B3GALT1: variants seen among roughly 807,000 people sequenced by gnomAD.
The protein encoded by B3GALT1 is UDP-Gal:betaGlcNAc beta 1,3-galactosyltransferase, polypeptide 1.
Under a neutral mutation model 23.2 loss-of-function variants are expected in B3GALT1, and 10 were observed. The ratio of observed to expected loss-of-function variants is 0.43; its 90% CI spans 0.27 to 0.73. The LOEUF (loss-of-function observed/expected upper bound fraction) is 0.73. B3GALT1 is among the 30% of genes least tolerant of loss of function. The pLI is 0.21. For synonymous variants in B3GALT1, 156 were observed against 141.5 expected, an observed-to-expected ratio of 1.10 and a Z score of -0.73; for missense variants, 299 against 405.4, an observed-to-expected ratio of 0.74 and a Z score of 2.25.
At chr2:167,836,565 A>G (rs1689478273) in intron 4 of B3GALT1, among the ~76,000 whole-genome samples, 1 of 152,226 alleles carries the variant, frequency 6.6e-6, no homozygotes, top group Non-Finnish European at 1.5e-5. Context: ...TGTACCTGAA[A>G]GTGATGGGGA....
At chr2:167,617,783 G>A (rs529711544) in intron 2 of B3GALT1, among the ~76,000 whole-genome samples, 3 of 152,072 alleles carry the variant, frequency 2.0e-5, no homozygotes, top group South Asian at 4.1e-4. Flanking sequence ...GGGCATCAAG[G>A]TTCTAATCTA....
chr2:167,674,481 C>T (rs1439508922), intron 3 of B3GALT1, among the ~76,000 whole-genome samples: 1 of 152,156 alleles, frequency 6.6e-6, no homozygotes, highest in African/African-American at 2.4e-5. Flanking sequence ...GGCAAGGGGC[C>T]ATGTCTGGAC....
intron 1 of B3GALT1, among the ~76,000 whole-genome samples, chr2:167,447,336 C>G (rs974616152): frequency 6.6e-6 from 1 of 152,232 alleles, no homozygotes; most frequent in Non-Finnish European, 1.5e-5. Flanking sequence ...GGCATTCTGT[C>G]TGTTCTCAGA....
chr2:167,615,324 G>GA (rs1303221852), intron 2 of B3GALT1, among the ~76,000 whole-genome samples: 2 of 151,614 alleles, frequency 1.3e-5, no homozygotes, highest in African/African-American at 2.4e-5. Context: ...TGTAGAACCT[G>GA]AAAAAATCGG....
intron 4 of B3GALT1, among the ~76,000 whole-genome samples, chr2:167,819,783 A>G (rs565048830): frequency 2.6e-4 from 39 of 152,340 alleles, no homozygotes; most frequent in South Asian, 4.1e-4. Flanking sequence ...CAAAACTCCA[A>G]TTCACCAAAT....
chr2:167,600,624 G>A (rs1240757334), intron 2 of B3GALT1, among the ~76,000 whole-genome samples: 1 of 152,072 alleles, frequency 6.6e-6, no homozygotes, highest in African/African-American at 2.4e-5. Flanking sequence ...CTCATATAAT[G>A]GAACTATGTA....
At chr2:167,561,979 C>T (rs989872366) in intron 2 of B3GALT1, among the ~76,000 whole-genome samples, 1 of 152,146 alleles carries the variant, frequency 6.6e-6, no homozygotes, top group South Asian at 2.1e-4. Flanking sequence ...ATCCTGATAC[C>T]AAAGCCGGCC....
chr2:167,873,984 T>C lies in B3GALT1; in HGVS notation c.*3964T>C, dbSNP rs1401996878. The C allele has an allele frequency of 6.6e-6, 1 of 152,242 alleles. No homozygotes were observed. Among genetic ancestry groups the C allele is most frequent in the Non-Finnish European group, 1.5e-5 (1 of 68,034 alleles). The allele number at this position is 152,242 out of a possible 1,614,324, so 9.4% of individuals were successfully genotyped here. A position where few individuals can be genotyped will look rare whatever the true frequency, so the allele number is the denominator to read the frequency against. On this transcript the variant is annotated 3_prime_UTR_variant, in exon 5 of 5. Coordinates refer to ENST00000392690, the MANE Select transcript of B3GALT1 (RefSeq NM_020981.4). ...ACAGGCCCATCTGTCATGAGGAAGA[T>C]TATGGTTCCATAAAGCTGATTTTTT...
chr2:167,408,807 A>AAAAAAC lies in B3GALT1; in HGVS notation c.-510-81365_-510-81364insCAAAAA, dbSNP rs1553517667. 1.6e-3 allele frequency among the ~76,000 whole-genome samples: 216 copies of AAAAAAC among 138,052 alleles called. 1 individual carries two copies. The highest frequency in any genetic ancestry group is 4.8e-3 in the African/African-American group (177 of 36,940). 90.6% of individuals were successfully genotyped at this position (138,052 alleles called of 152,430 possible). ...GAAGTGAAGATGTATACAAAAAAAA[A>AAAAAAC]AAAAAACAAAAGACAAACAAAAAAA... On this transcript the variant is annotated intron_variant, in intron 1 of 4. Transcript: ENST00000392690.
chr2:167,793,174 G>A (rs1384771229), intron 3 of B3GALT1, among the ~76,000 whole-genome samples: 1 of 152,102 alleles, frequency 6.6e-6, no homozygotes, highest in African/African-American at 2.4e-5. Context: ...CACTCTCCAT[G>A]CTGCTCGCAG....
intron 2 of B3GALT1, among the ~76,000 whole-genome samples, chr2:167,553,107 AT>A (rs1683778026): frequency 2.0e-5 from 3 of 152,218 alleles, no homozygotes; most frequent in Admixed American, 1.3e-4. Flanking sequence ...CCAGAGAATA[AT>A]TTTTAAGCTA....
chr2:167,753,907 T>G (rs768074195), intron 3 of B3GALT1, among the ~76,000 whole-genome samples: 3 of 152,188 alleles, frequency 2.0e-5, no homozygotes, highest in Non-Finnish European at 4.4e-5. Context: ...CCTGCTTTAT[T>G]CAATAGGGAT....
At chr2:167,629,494 G>A (rs550583009) in intron 2 of B3GALT1, among the ~76,000 whole-genome samples, 2 of 151,604 alleles carry the variant, frequency 1.3e-5, no homozygotes, top group Non-Finnish European at 3.0e-5. Flanking sequence ...CATGAATTAA[G>A]TTAACATGAG....
chr2:167,581,665 A>G (rs567739249), intron 2 of B3GALT1, among the ~76,000 whole-genome samples: 1 of 152,368 alleles, frequency 6.6e-6, no homozygotes, highest in South Asian at 2.1e-4. Context: ...ATAACAAAGT[A>G]ATGACAGAGA....
intron 2 of B3GALT1, among the ~76,000 whole-genome samples, chr2:167,523,612 A>G (rs986274538): frequency 4.6e-5 from 7 of 152,048 alleles, no homozygotes; most frequent in African/African-American, 1.7e-4. Context: ...TTTAGTAAAG[A>G]CGGGGTTTCA....
intron 2 of B3GALT1, among the ~76,000 whole-genome samples, chr2:167,534,785 G>T (rs1414286082): frequency 6.6e-6 from 1 of 152,188 alleles, no homozygotes; most frequent in Admixed American, 6.5e-5. Flanking sequence ...AGGTAAATTT[G>T]TGAAGCATTG....
chr2:167,390,375 C>T (rs1698000962), intron 1 of B3GALT1, among the ~76,000 whole-genome samples: 1 of 152,164 alleles, frequency 6.6e-6, no homozygotes, highest in Non-Finnish European at 1.5e-5. Context: ...TTACTTTTCT[C>T]CTCCCCTAAC....
At chr2:167,560,273 C>G (rs1229119268) in intron 2 of B3GALT1, among the ~76,000 whole-genome samples, 2 of 152,014 alleles carry the variant, frequency 1.3e-5, no homozygotes, top group Non-Finnish European at 1.5e-5. Context: ...TTTGTCACCA[C>G]CAGGCCTGCC....
intron 1 of B3GALT1, among the ~76,000 whole-genome samples, chr2:167,319,544 A>G (rs764846637): frequency 1.1e-4 from 17 of 152,116 alleles, no homozygotes; most frequent in Admixed American, 5.2e-4. Context: ...AGAAACACCC[A>G]TAAGTCACTT....
Sources: gnomAD v4.1 joint callset for allele counts (sites outside exome capture counted in the v4.1 genomes callset) on GRCh38, gnomAD v4.1.1 for gene constraint, MANE v1.5 for transcripts, NCBI Gene and HGNC (gene_info 2026-07-23, HGNC 2026-07-21) for gene names.